The following KDM5B variants were observed in gnomAD, a reference collection of about 807,000 sequenced individuals.
KDM5B encodes the protein lysine demethylase 5B, also known as lysine-specific demethylase 5B.
In KDM5B, 144 loss-of-function variants were observed where a neutral mutation model predicts 193.4. That is an observed-to-expected ratio of 0.74 (90% CI 0.65 to 0.86). The LOEUF is 0.86. KDM5B is among the 40% of genes least tolerant of loss of function. The pLI is 0.00. For missense variants in KDM5B, 1,833 were observed against 1,886.9 expected (o/e 0.97, Z 0.53); for synonymous variants, 668 against 682.6 (o/e 0.98, Z 0.33).
Position 202,764,155 on chromosome 1 carries a change from A to T in KDM5B, c.712-10T>A. The stretch of plus-strand genomic sequence containing the variant: ...TTTTAATATTCATGGCCTTAAAAAA[A>T]TTGTCATATACATGAATATTTCCTT... On this transcript the variant is annotated splice_polypyrimidine_tract_variant and intron_variant, in intron 5 of 26. Transcript: ENST00000367265. 3 of 1,328,050 alleles carry T rather than the reference A, an allele frequency of 2.3e-6. No individual in the cohort carries two copies. Among genetic ancestry groups the T allele is most frequent in the Non-Finnish European group, 3.1e-6 (3 of 953,370 alleles). The allele number at this position is 1,328,050 out of a possible 1,614,324, so 82.3% of individuals were successfully genotyped here. A position where few individuals can be genotyped will look rare whatever the true frequency, so the allele number is the denominator to read the frequency against.
rs1558475861 is a variant in KDM5B at position 202,727,997 on chromosome 1, TAGTG to T, written c.*1035_*1038del. 1 of 152,578 alleles carries T rather than the reference TAGTG, an allele frequency of 6.6e-6. No individual in the cohort carries two copies. The highest frequency in any genetic ancestry group is 1.5e-5 in the Non-Finnish European group (1 of 68,038). The allele number at this position is 152,578 out of a possible 1,614,324, so 9.5% of individuals were successfully genotyped here. A position where few individuals can be genotyped will look rare whatever the true frequency, so the allele number is the denominator to read the frequency against. ...CCTTGAAGACAGAGGGGTTCTTTGT[TAGTG>T]AGGGCTGTAGGCATATGGCCCACCA... On this transcript the variant is annotated 3_prime_UTR_variant, in exon 27 of 27. Coordinates refer to ENST00000367265, the MANE Select transcript of KDM5B (RefSeq NM_006618.5).
Position 202,760,486 on chromosome 1 carries a change from TATGGTAACTGTC to T in KDM5B, c.994_1005del (p.Asp332_His335del). ...TGGAGAGGTGGGATCAAGCAAAAGG[TATGGTAACTGTC>T]ATCACAGCCATCACACAACAGTAGC... On this transcript the variant is annotated inframe_deletion, in exon 8 of 27. Transcript: ENST00000367265. The T allele has an allele frequency of 6.2e-7, 1 of 1,613,654 alleles. No homozygotes were observed. The highest frequency in any genetic ancestry group is 8.5e-7 in the Non-Finnish European group (1 of 1,179,734).
In KDM5B at chr1:202,796,256, T is replaced by C. The variant is rs899970054; in HGVS notation, c.204+11846A>G. 18 of 409,738 alleles carry C rather than the reference T, an allele frequency of 4.4e-5. No homozygotes were observed. The Admixed American group carries it at 5.1e-4, about 12-fold the overall frequency. 25.4% of individuals were successfully genotyped at this position (409,738 alleles called of 1,614,324 possible). Reference sequence around the variant, plus strand: ...TCTCCAATCCTGTACTACAATGGTGTCCTGGAGCCTCTGTACCTATGACCA... The same window carrying C: ...TCTCCAATCCTGTACTACAATGGTGCCCTGGAGCCTCTGTACCTATGACCA... On this transcript the variant is annotated intron_variant, in intron 1 of 26. Coordinates refer to ENST00000367265, the MANE Select transcript of KDM5B (RefSeq NM_006618.5).
At chr1:202,735,387 T>C in intron 22 of KDM5B, 42 bp downstream of exon 22, 1 of 1,570,834 alleles carries the variant, frequency 6.4e-7, no homozygotes, top group Admixed American at 1.9e-5. Context: ...GAAATTATTC[T>C]TCCCAATAAC....
chr1:202,737,708 C>A (rs547947430), intron 20 of KDM5B, among the ~76,000 whole-genome samples: 3 of 152,068 alleles, frequency 2.0e-5, no homozygotes, highest in Non-Finnish European at 4.4e-5. Context: ...TCAAACAAAT[C>A]CAGAAGGTGG....
Position 202,735,644 on chromosome 1 carries a change from T to C in KDM5B, c.3265-57A>G, listed in dbSNP as rs527788070. On this transcript the variant is annotated intron_variant, in intron 21 of 26. Transcript: ENST00000367265. ...AATAAATTTCAGATAAAGCATTATG[T>C]AGGAAGTCCCAAAATAAAAGCCTAA... The C allele has an allele frequency of 2.9e-4, 439 of 1,501,248 alleles. 1 individual carries two copies. The East Asian group carries it at 3.2e-3, about 11-fold the overall frequency. 93.0% of individuals were successfully genotyped at this position (1,501,248 alleles called of 1,614,324 possible). A position where few individuals can be genotyped will look rare whatever the true frequency, so the allele number is the denominator to read the frequency against.
chr1:202,760,364 A>C (rs1419928209), intron 8 of KDM5B, 51 bp downstream of exon 8: 2 of 1,283,738 alleles, frequency 1.6e-6, no homozygotes, highest in African/African-American at 3.1e-5. Context: ...AAGGCAAAGA[A>C]AAATGCCCTA....
intron 1 of KDM5B, among the ~76,000 whole-genome samples, chr1:202,786,334 C>T (rs1657411619): frequency 6.6e-6 from 1 of 151,882 alleles, no homozygotes; most frequent in African/African-American, 2.4e-5. Flanking sequence ...AAAATAAGAG[C>T]ACATATTGTT....
chr1:202,792,690 G>T (rs930738712), intron 1 of KDM5B, among the ~76,000 whole-genome samples: 3 of 152,156 alleles, frequency 2.0e-5, no homozygotes, highest in Non-Finnish European at 4.4e-5. Context: ...AGAGAGAGAA[G>T]ACCACAGTCA....
rs1390158493 is a variant in KDM5B, at chr1:202,740,825, A to C, written c.2946-13T>G. 4.4e-6 allele frequency: 7 copies of C among 1,600,322 alleles called. No individual in the cohort carries two copies. Among genetic ancestry groups the C allele is most frequent in the Non-Finnish European group, 5.1e-6 (6 of 1,171,870 alleles). On this transcript the variant is annotated splice_polypyrimidine_tract_variant and intron_variant, in intron 19 of 26. Transcript: ENST00000367265. ...TGAATGTCGTGGCCTACAAAATGCA[A>C]ACAAAGACTTCTTAGCATTTTATAT...
At chr1:202,745,051 G>A (rs537585825) in intron 16 of KDM5B, among the ~76,000 whole-genome samples, 4 of 152,314 alleles carry the variant, frequency 2.6e-5, no homozygotes, top group South Asian at 2.1e-4. Context: ...ACTAGGAACA[G>A]GAAAGCAAAT....
chr1:202,745,132 C>T (rs576275967), intron 16 of KDM5B, among the ~76,000 whole-genome samples: 11 of 152,146 alleles, frequency 7.2e-5, no homozygotes, highest in African/African-American at 2.4e-4. Context: ...GGGAGTAACA[C>T]GTGAACACAT....
Position 202,740,812 on chromosome 1 carries a change from C to CCTA in KDM5B, c.2946-3_2946-1dup (p.Ala981_Arg982insSer). 6.2e-7 allele frequency: 1 copy of CCTA among 1,605,902 alleles called. No homozygotes were observed. Among genetic ancestry groups the CCTA allele is most frequent in the Non-Finnish European group, 8.5e-7 (1 of 1,175,630 alleles). ...CAAGGCTATTCAATGAATGTCGTGGCCTACAAAATGCAAACAAAGACTTCT... is the reference window on the plus strand; with the variant it reads ...CAAGGCTATTCAATGAATGTCGTGGCCTACTACAAAATGCAAACAAAGACTTCT... On this transcript the variant is annotated inframe_insertion and splice_region_variant. Transcript: ENST00000367265.
At chr1:202,796,891 G>T (rs189191272) in intron 1 of KDM5B, 8 of 152,524 alleles carry the variant, frequency 5.2e-5, no homozygotes, top group African/African-American at 1.7e-4. Flanking sequence ...TCGGAGTGAT[G>T]GAAGCCGTGG....
rs1293012056 is a variant in KDM5B at position 202,725,386 on chromosome 1, T to G, written c.*3650A>C. 1 of 152,238 alleles carries G rather than the reference T, an allele frequency of 6.6e-6. No individual in the cohort carries two copies. The highest frequency in any genetic ancestry group is 1.5e-5 in the Non-Finnish European group (1 of 68,042). 9.4% of individuals were successfully genotyped at this position (152,238 alleles called of 1,614,324 possible). A position where few individuals can be genotyped will look rare whatever the true frequency, so the allele number is the denominator to read the frequency against. ...ATTCCTACTTTATACAATTTTTTGT[T>G]TAGGCAGCTTTTCAGTAACATTTCT... On this transcript the variant is annotated 3_prime_UTR_variant, in exon 27 of 27. Transcript: ENST00000367265.
At chr1:202,741,758 G>T in intron 18 of KDM5B, 36 bp from the exon 19 acceptor site, 1 of 1,151,136 alleles carries the variant, frequency 8.7e-7, no homozygotes, top group Non-Finnish European at 1.3e-6. Flanking sequence ...CATTAAAACA[G>T]TAATTTCAGT....
At position 202,748,942 on chromosome 1, in the gene KDM5B, T is replaced by C. The variant is rs1009219304; in HGVS notation, c.2016+3A>G. Reference sequence around the variant, plus strand: ...CATGCAGTTGGATTTCCATAAGCCTTACCAATTTACGGACAGTTTCTCTTA... The same window carrying C: ...CATGCAGTTGGATTTCCATAAGCCTCACCAATTTACGGACAGTTTCTCTTA... On this transcript the variant is annotated splice_donor_region_variant and intron_variant, in intron 14 of 26. Coordinates refer to ENST00000367265, the MANE Select transcript of KDM5B (RefSeq NM_006618.5). 25 of 1,607,264 alleles carry C rather than the reference T, an allele frequency of 1.6e-5. No individual in the cohort carries two copies. The highest frequency in any genetic ancestry group is 2.0e-5 in the Non-Finnish European group (24 of 1,176,662).
rs534193329 is a variant in KDM5B, at chr1:202,730,485, G to A, written c.4176+424C>T. Reference sequence around the variant, plus strand: ...CACCCCCACACCTTATAGGTGTAAGGCGCATTAACTGAACACATTCAATGA... The same window carrying A: ...CACCCCCACACCTTATAGGTGTAAGACGCATTAACTGAACACATTCAATGA... On this transcript the variant is annotated intron_variant, in intron 25 of 26. Coordinates refer to ENST00000367265, the MANE Select transcript of KDM5B (RefSeq NM_006618.5). 1.2e-4 allele frequency among the ~76,000 whole-genome samples: 19 copies of A among 152,232 alleles called. 2 individuals carry two copies. In the South Asian group the frequency reaches 3.9e-3, roughly 32 times the overall value.
chr1:202,746,981 T>C (rs1655584391), intron 14 of KDM5B, among the ~76,000 whole-genome samples: 2 of 152,188 alleles, frequency 1.3e-5, no homozygotes, highest in South Asian at 4.1e-4. Context: ...CCACCTAACA[T>C]CTAGAGAACC....
Sources: allele counts gnomAD v4.1 joint callset (sites outside exome capture counted in the v4.1 genomes callset), GRCh38; gene constraint gnomAD v4.1.1; transcripts MANE v1.5; gene names NCBI Gene and HGNC (gene_info 2026-07-23, HGNC 2026-07-21).